The following ASTN2 variants were observed in gnomAD, a reference collection of about 807,000 sequenced individuals.
ASTN2 encodes astrotactin 2, also known as astrotactin-2.
In ASTN2, 54 loss-of-function variants were observed where a neutral mutation model predicts 139.8. That is an observed-to-expected ratio of 0.39 (90% CI 0.31 to 0.48). ASTN2 has a LOEUF of 0.48. ASTN2 is among the 20% of genes least tolerant of loss of function. The pLI is 0.95. For missense variants in ASTN2, 1,565 were observed against 1,725.1 expected, an observed-to-expected ratio of 0.91 and a Z score of 1.64; for synonymous variants, 756 against 719.5, an observed-to-expected ratio of 1.05 and a Z score of -0.81.
At chr9:117,330,110 G>T (rs931498669) in intron 1 of ASTN2, among the ~76,000 whole-genome samples, 3 of 152,158 alleles carry the variant, frequency 2.0e-5, no homozygotes, top group African/African-American at 7.2e-5. Context: ...TTTACCCATG[G>T]TTTTCTCCTT....
chr9:117,057,171 T>G (rs533041719), intron 5 of ASTN2, among the ~76,000 whole-genome samples: 1 of 152,228 alleles, frequency 6.6e-6, no homozygotes, highest in East Asian at 1.9e-4. Context: ...GCAGAGACCA[T>G]AGACCCAGTG....
intron 2 of ASTN2, among the ~76,000 whole-genome samples, chr9:117,284,295 G>T (rs1834395273): frequency 6.6e-6 from 1 of 152,144 alleles, no homozygotes; most frequent in Non-Finnish European, 1.5e-5. Flanking sequence ...GCTATAGACA[G>T]GGTTTCACCA....
rs769734450 is a variant in ASTN2, at chr9:117,141,416, G to A, written c.1078C>T (p.Arg360Cys). The change falls in exon 4 of 23, where the codon CGC becomes TGC. Residue 360 changes from arginine to cysteine, a missense_variant. Arg to Cys is a radical substitution (Grantham distance 180). Coordinates refer to ENST00000313400, the MANE Select transcript of ASTN2 (RefSeq NM_001365068.1). ...SLMQKFKESF[R>C]ANTPIEIGQL... The stretch of plus-strand genomic sequence containing the variant: ...CCGATCTCGATGGGCGTGTTAGCGC[G>A]GAAACTCTCCTTGAACTTCTGCATC... The A allele has an allele frequency of 5.7e-5, 78 of 1,367,350 alleles. No individual in the cohort carries two copies. The Admixed American group carries it at 8.4e-4, about 15-fold the overall frequency. The allele number at this position is 1,367,350 out of a possible 1,614,324, so 84.7% of individuals were successfully genotyped here. A position where few individuals can be genotyped will look rare whatever the true frequency, so the allele number is the denominator to read the frequency against.
chr9:117,414,849 TGGC>T lies in ASTN2; in HGVS notation c.87_89del (p.Pro30del). 8.9e-7 allele frequency: 1 copy of T among 1,123,484 alleles called. No homozygotes were observed. 69.6% of individuals were successfully genotyped at this position (1,123,484 alleles called of 1,614,324 possible). On this transcript the variant is annotated inframe_deletion, in exon 1 of 23. Transcript: ENST00000313400. The surrounding 1 kb of genome is among the most constrained non-coding windows in gnomAD (Gnocchi z 4.2). ...GGAACAGCAGCAGCAGCGGCAGCAG[TGGC>T]GGCGGCCCCGGGTGGAAGCAGAGCC...
At chr9:116,519,624 T>G (rs536599832) in intron 19 of ASTN2, among the ~76,000 whole-genome samples, 75 of 151,196 alleles carry the variant, frequency 5.0e-4, no homozygotes, top group African/African-American at 1.7e-3. Flanking sequence ...ACAATCCAAA[T>G]CCAAACCCAG....
intron 11 of ASTN2, among the ~76,000 whole-genome samples, chr9:116,830,989 A>C (rs1016612437): frequency 6.6e-6 from 1 of 151,808 alleles, no homozygotes; most frequent in African/African-American, 2.4e-5. Flanking sequence ...ACCCACAGAC[A>C]CACCATGGAA....
chr9:117,331,284 C>T (rs998367370), intron 1 of ASTN2, among the ~76,000 whole-genome samples: 1 of 152,096 alleles, frequency 6.6e-6, no homozygotes, highest in Non-Finnish European at 1.5e-5. Flanking sequence ...GGTTTCCTGC[C>T]TTCCTCTTTC....
intron 16 of ASTN2, among the ~76,000 whole-genome samples, chr9:116,668,486 C>G (rs1473564841): frequency 1.3e-5 from 2 of 152,198 alleles, no homozygotes; most frequent in East Asian, 3.9e-4. Context: ...GCCACCATGC[C>G]CGGCCGCCTT....
At chr9:116,948,803 T>TTTTTTTTTTTTGTTTTG (rs1405080683) in intron 10 of ASTN2, among the ~76,000 whole-genome samples, 1 of 132,384 alleles carries the variant, frequency 7.6e-6, no homozygotes, top group African/African-American at 2.9e-5. Flanking sequence ...TTTTTTTTTT[T>TTTTTTTTTTTTGTTTTG]TTTTTTTGAG....
intron 5 of ASTN2, among the ~76,000 whole-genome samples, chr9:117,043,706 A>G (rs13284913): frequency 0.17 from 25,391 of 152,024 alleles, 2,344 homozygotes; most frequent in African/African-American, 0.22. Flanking sequence ...TCAGGAGTTC[A>G]AGACCAGCCT....
intron 19 of ASTN2, among the ~76,000 whole-genome samples, chr9:116,614,566 C>A (rs906263699): frequency 1.2e-4 from 18 of 152,182 alleles, no homozygotes; most frequent in Non-Finnish European, 7.4e-5. Flanking sequence ...GGAAACAATA[C>A]CACACATCTA....
At chr9:117,274,154 T>C (rs1834129470) in intron 2 of ASTN2, among the ~76,000 whole-genome samples, 1 of 151,912 alleles carries the variant, frequency 6.6e-6, no homozygotes, top group African/African-American at 2.4e-5. Flanking sequence ...ATCGAGACCA[T>C]CCTGGCTAAC....
At chr9:116,538,198 T>G (rs1032880232) in intron 19 of ASTN2, among the ~76,000 whole-genome samples, 6 of 146,272 alleles carry the variant, frequency 4.1e-5, no homozygotes, top group Admixed American at 1.4e-4. Flanking sequence ...GAGGAAGGGA[T>G]GGAGGAAGGG....
intron 13 of ASTN2, among the ~76,000 whole-genome samples, chr9:116,773,146 C>G (rs1006530819): frequency 7.7e-5 from 11 of 143,090 alleles, no homozygotes; most frequent in Admixed American, 5.0e-4. Flanking sequence ...GTTCTTTTAT[C>G]CTTGATATTT....
intron 2 of ASTN2, among the ~76,000 whole-genome samples, chr9:117,259,510 G>A (rs556231224): frequency 2.3e-4 from 35 of 152,092 alleles, no homozygotes; most frequent in Non-Finnish European, 4.6e-4. Flanking sequence ...AATAAGAAAC[G>A]TATACAATCT....
intron 2 of ASTN2, among the ~76,000 whole-genome samples, chr9:117,243,091 A>T (rs1370701025): frequency 1.3e-5 from 2 of 152,208 alleles, no homozygotes; most frequent in Non-Finnish European, 2.9e-5. Flanking sequence ...TTTTTGCAAG[A>T]AACATATTGC....
chr9:117,218,641 G>C (rs921556971), intron 2 of ASTN2, among the ~76,000 whole-genome samples: 1 of 152,168 alleles, frequency 6.6e-6, no homozygotes, highest in African/African-American at 2.4e-5. Context: ...CAGAGCATGT[G>C]GGAAAAAGCT....
At chr9:116,536,471 C>T (rs1181557526) in intron 19 of ASTN2, among the ~76,000 whole-genome samples, 2 of 151,946 alleles carry the variant, frequency 1.3e-5, no homozygotes, top group South Asian at 2.1e-4. Flanking sequence ...TCTGCTTTTT[C>T]CCCATCTTTG....
intron 1 of ASTN2, among the ~76,000 whole-genome samples, chr9:117,309,319 A>G (rs1165874177): frequency 1.3e-5 from 2 of 152,222 alleles, no homozygotes; most frequent in African/African-American, 4.8e-5. Context: ...ATTTAGCCTA[A>G]GACAGCAGAG....
Sources: allele counts gnomAD v4.1 joint callset (sites outside exome capture counted in the v4.1 genomes callset), GRCh38; gene constraint gnomAD v4.1.1; non-coding constraint Gnocchi (gnomAD v3.1); transcripts MANE v1.5; gene names NCBI Gene and HGNC (gene_info 2026-07-23, HGNC 2026-07-21).